The following MRPL1 variants were observed in gnomAD, a reference collection of about 807,000 sequenced individuals.
MRPL1 encodes large ribosomal subunit protein uL1m.
In MRPL1, 28 loss-of-function variants were observed where a neutral mutation model predicts 38.0. The observed-to-expected ratio is 0.74, with a 90% CI of 0.55 to 1.01. The LOEUF is 1.01. Ranked by LOEUF, MRPL1 falls within the 50% of genes least tolerant of loss-of-function variation. The pLI is 0.00. For missense variants in MRPL1, 358 were observed against 389.8 expected, an observed-to-expected ratio of 0.92 and a Z score of 0.69; for synonymous variants, 123 against 126.7, an observed-to-expected ratio of 0.97 and a Z score of 0.20.
chr4:77,918,463 T>A (rs559249887), intron 7 of MRPL1, among the ~76,000 whole-genome samples: 11 of 152,306 alleles, frequency 7.2e-5, no homozygotes, highest in African/African-American at 2.2e-4. Flanking sequence ...CTGACTACTA[T>A]GTCTGAATTG....
intron 7 of MRPL1, among the ~76,000 whole-genome samples, chr4:77,927,531 G>GTA (rs943661421): frequency 6.6e-6 from 1 of 151,792 alleles, no homozygotes; most frequent in Admixed American, 6.6e-5. Context: ...AGCAAATAAA[G>GTA]TATTGTAAAT....
chr4:77,951,680 T>G (rs1221299455), intron 8 of MRPL1, among the ~76,000 whole-genome samples: 1 of 152,222 alleles, frequency 6.6e-6, no homozygotes, highest in Non-Finnish European at 1.5e-5. Flanking sequence ...AGAGCCACTG[T>G]CTGTGTGGAA....
chr4:77,913,487 G>A (rs574327947), intron 7 of MRPL1, among the ~76,000 whole-genome samples: 1 of 152,276 alleles, frequency 6.6e-6, no homozygotes, highest in African/African-American at 2.4e-5. Flanking sequence ...TAAAAAGACT[G>A]GCCATACCAA....
At chr4:77,889,127 A>T (rs2110238244) in intron 5 of MRPL1, among the ~76,000 whole-genome samples, 1 of 152,334 alleles carries the variant, frequency 6.6e-6, no homozygotes, top group African/African-American at 2.4e-5. Context: ...TGCACCAAGC[A>T]GACCTAATAG....
intron 1 of MRPL1, among the ~76,000 whole-genome samples, chr4:77,866,811 G>A (rs962763613): frequency 5.3e-5 from 8 of 150,448 alleles, no homozygotes; most frequent in Non-Finnish European, 7.4e-5. Flanking sequence ...GCAATGGCGC[G>A]ATCTCGGCTC....
intron 7 of MRPL1, among the ~76,000 whole-genome samples, chr4:77,918,464 G>C (rs1306263139): frequency 6.6e-6 from 1 of 152,050 alleles, no homozygotes; most frequent in Non-Finnish European, 1.5e-5. Flanking sequence ...TGACTACTAT[G>C]TCTGAATTGT....
chr4:77,863,113 C>T (rs1735041836), intron 1 of MRPL1: 1 of 562,608 alleles, frequency 1.8e-6, no homozygotes, highest in Non-Finnish European at 3.1e-6. Flanking sequence ...GTACATCGAG[C>T]GCCCTCCAGC....
chr4:77,916,203 T>C (rs1158763972), intron 7 of MRPL1, among the ~76,000 whole-genome samples: 1 of 152,240 alleles, frequency 6.6e-6, no homozygotes, highest in Non-Finnish European at 1.5e-5. Flanking sequence ...AAAGGATTTA[T>C]CTGAGTTTGC....
intron 2 of MRPL1, among the ~76,000 whole-genome samples, chr4:77,877,123 C>T (rs1735414062): frequency 1.3e-5 from 2 of 152,308 alleles, no homozygotes; most frequent in South Asian, 2.1e-4. Context: ...TGGTCTCGAA[C>T]TCCTGACCTC....
rs201283475 is a variant in MRPL1, at chr4:77,945,169, T to TTAC, written c.778-4614_778-4612dup. Among the ~76,000 whole-genome samples the TTAC allele has an allele frequency of 2.2e-3, 217 of 97,156 alleles. 1 individual carries two copies. Among genetic ancestry groups the TTAC allele is most frequent in the African/African-American group, 7.3e-3 (184 of 25,256 alleles). The allele number at this position is 97,156 out of a possible 152,430, so 63.7% of individuals were successfully genotyped here. ...ATTATTATTATTATTATTATTATTA[T>TTAC]TACTACTACTACTACTTTATGTTAT... On this transcript the variant is annotated intron_variant, in intron 7 of 8. Transcript: ENST00000315567.
intron 2 of MRPL1, among the ~76,000 whole-genome samples, chr4:77,877,921 C>T (rs972112697): frequency 2.0e-5 from 3 of 151,956 alleles, no homozygotes; most frequent in Admixed American, 6.6e-5. Context: ...GGGGGGACGG[C>T]GCGCTTCTAA....
chr4:77,897,041 TAG>T (rs1735931574), intron 6 of MRPL1, among the ~76,000 whole-genome samples: 2 of 152,202 alleles, frequency 1.3e-5, no homozygotes, highest in Non-Finnish European at 1.5e-5. Flanking sequence ...AATTAGCATT[TAG>T]AAACTAAAAA....
intron 3 of MRPL1, among the ~76,000 whole-genome samples, chr4:77,884,244 C>CA (rs369596317): frequency 0.074 from 6,541 of 88,870 alleles, 336 homozygotes; most frequent in African/African-American, 0.19. Flanking sequence ...GACTCCATCT[C>CA]AAAAAAAAAA....
chr4:77,902,860 T>C (rs1560466252), intron 6 of MRPL1, among the ~76,000 whole-genome samples: 1 of 152,216 alleles, frequency 6.6e-6, no homozygotes, highest in Non-Finnish European at 1.5e-5. Context: ...GAATTAGTCA[T>C]GTATAAGTTC....
At chr4:77,916,955 A>G (rs1158761878) in intron 7 of MRPL1, among the ~76,000 whole-genome samples, 2 of 152,206 alleles carry the variant, frequency 1.3e-5, no homozygotes, top group Non-Finnish European at 2.9e-5. Context: ...GTATCTTTAT[A>G]CCCTCACTAG....
chr4:77,938,503 G>A (rs1737042250), intron 7 of MRPL1, among the ~76,000 whole-genome samples: 1 of 152,198 alleles, frequency 6.6e-6, no homozygotes, highest in African/African-American at 2.4e-5. Flanking sequence ...GCAACTGGAA[G>A]ACCAGACTTA....
At chr4:77,945,565 T>C (rs1474383902) in intron 7 of MRPL1, among the ~76,000 whole-genome samples, 1 of 152,154 alleles carries the variant, frequency 6.6e-6, no homozygotes, top group East Asian at 1.9e-4. Flanking sequence ...CACATTGTAA[T>C]CCTTTATCGG....
chr4:77,923,797 C>T (rs1024861945), intron 7 of MRPL1, among the ~76,000 whole-genome samples: 7 of 152,036 alleles, frequency 4.6e-5, no homozygotes, highest in African/African-American at 7.2e-5. Flanking sequence ...ATTAGCCAGA[C>T]GTGGTGGTAT....
chr4:77,871,216 G>A (rs1279196822), intron 1 of MRPL1, among the ~76,000 whole-genome samples: 2 of 150,848 alleles, frequency 1.3e-5, no homozygotes, highest in Non-Finnish European at 2.9e-5. Context: ...GTGAAAGCCT[G>A]TCTTTAAAAG....
Sources: allele counts gnomAD v4.1 joint callset (sites outside exome capture counted in the v4.1 genomes callset), GRCh38; gene constraint gnomAD v4.1.1; transcripts MANE v1.5; gene names NCBI Gene and HGNC (gene_info 2026-07-23, HGNC 2026-07-21).